The following DAP variants were observed in gnomAD, a reference collection of about 807,000 sequenced individuals.
The protein encoded by DAP is death associated protein.
Under a neutral mutation model 13.8 loss-of-function variants are expected in DAP, and 8 were observed. The ratio of observed to expected loss-of-function variants is 0.58; its 90% CI spans 0.34 to 1.05. DAP has a LOEUF of 1.05. Ranked by LOEUF, DAP falls within the 50% of genes least tolerant of loss-of-function variation. DAP has a pLI of 0.03. For synonymous variants in DAP, 47 were observed against 47.5 expected, an observed-to-expected ratio of 0.99 and a Z score of 0.04; for missense variants, 106 against 133.2, an observed-to-expected ratio of 0.80 and a Z score of 1.01.
At chr5:10,760,551 T>C (rs1740315176) in intron 1 of DAP, among the ~76,000 whole-genome samples, 1 of 152,220 alleles carries the variant, frequency 6.6e-6, no homozygotes, top group Non-Finnish European at 1.5e-5. Flanking sequence ...TAAAAATTAT[T>C]TCCGCTCCTT....
intron 2 of DAP, among the ~76,000 whole-genome samples, chr5:10,703,519 G>T (rs1422081367): frequency 6.6e-6 from 1 of 152,224 alleles, no homozygotes; most frequent in African/African-American, 2.4e-5. Context: ...CATCATTGAG[G>T]AAGTAGTCCA....
chr5:10,744,451 T>A (rs977719614), intron 2 of DAP, among the ~76,000 whole-genome samples: 3 of 152,236 alleles, frequency 2.0e-5, no homozygotes, highest in South Asian at 2.1e-4. Flanking sequence ...TGTAAAGTGA[T>A]AATTAGACCA....
At chr5:10,736,146 C>T (rs912317722) in intron 2 of DAP, among the ~76,000 whole-genome samples, 13 of 152,196 alleles carry the variant, frequency 8.5e-5, no homozygotes, top group African/African-American at 2.4e-4. Context: ...GACAGGCCTG[C>T]GACAGACCTT....
At chr5:10,741,915 TAA>T (rs1236029183) in intron 2 of DAP, among the ~76,000 whole-genome samples, 1 of 152,242 alleles carries the variant, frequency 6.6e-6, no homozygotes, top group Non-Finnish European at 1.5e-5. Flanking sequence ...GCTTCCACGG[TAA>T]AGACACTCTT....
intron 2 of DAP, among the ~76,000 whole-genome samples, chr5:10,729,710 G>C (rs1315292272): frequency 6.6e-6 from 1 of 152,180 alleles, no homozygotes. Context: ...CTAGTTTGCA[G>C]GATCCTTAGC....
chr5:10,723,544 C>T (rs1368104073), intron 2 of DAP, among the ~76,000 whole-genome samples: 2 of 152,198 alleles, frequency 1.3e-5, no homozygotes, highest in African/African-American at 2.4e-5. Flanking sequence ...AAAGAAATAG[C>T]AGAGAAGGGA....
At chr5:10,700,244 C>G (rs1409451011) in intron 2 of DAP, among the ~76,000 whole-genome samples, 2 of 152,222 alleles carry the variant, frequency 1.3e-5, no homozygotes, top group African/African-American at 4.8e-5. Context: ...CCTTCTTCCA[C>G]ATGGCTGGGC....
At chr5:10,684,034 G>A (rs2126633870) in intron 2 of DAP, among the ~76,000 whole-genome samples, 1 of 152,308 alleles carries the variant, frequency 6.6e-6, no homozygotes, top group South Asian at 2.1e-4. Context: ...ATGTTGCCCA[G>A]GCTAGTCTCA....
At chr5:10,699,456 A>C (rs549798368) in intron 2 of DAP, among the ~76,000 whole-genome samples, 1 of 151,556 alleles carries the variant, frequency 6.6e-6, no homozygotes, top group South Asian at 2.1e-4. Flanking sequence ...AGGGCTCCCT[A>C]AATAGCAAGA....
intron 2 of DAP, among the ~76,000 whole-genome samples, chr5:10,716,658 A>T (rs1375872958): frequency 1.3e-5 from 2 of 152,218 alleles, no homozygotes; most frequent in African/African-American, 4.8e-5. Flanking sequence ...ATTGGACTCC[A>T]GGACTCCAAG....
In DAP at chr5:10,722,575, T is replaced by C. The variant is rs1029461150; in HGVS notation, c.152+25600A>G. Among the ~76,000 whole-genome samples the C allele has an allele frequency of 2.8e-5, 4 of 144,682 alleles. No individual in the cohort carries two copies. In the Admixed American group the frequency reaches 2.8e-4, roughly 10 times the overall value. 94.9% of individuals were successfully genotyped at this position (144,682 alleles called of 152,430 possible). ...ATATACATGCATATATATACATACA[T>C]ACATATATATACATATATACATATA... On this transcript the variant is annotated intron_variant, in intron 2 of 3. Transcript: ENST00000230895.
At chr5:10,719,529 G>A (rs1001873308) in intron 2 of DAP, among the ~76,000 whole-genome samples, 6 of 152,222 alleles carry the variant, frequency 3.9e-5, no homozygotes, top group Admixed American at 1.3e-4. Flanking sequence ...CTCTTGGCCT[G>A]TTACTGGGCT....
chr5:10,755,874 G>A (rs1205994431), intron 1 of DAP, among the ~76,000 whole-genome samples: 5 of 152,232 alleles, frequency 3.3e-5, no homozygotes, highest in African/African-American at 2.4e-5. Flanking sequence ...AAGGCTGGGT[G>A]CGGTGGCTCA....
At chr5:10,683,277 G>T (rs1241090925) in intron 3 of DAP, 4 of 563,660 alleles carry the variant, frequency 7.1e-6, no homozygotes, top group African/African-American at 5.7e-5. Flanking sequence ...CTGGTGGGAG[G>T]TCTGCGCTTA....
At chr5:10,722,563 T>TAC (rs1184783681) in intron 2 of DAP, among the ~76,000 whole-genome samples, 9 of 134,272 alleles carry the variant, frequency 6.7e-5, no homozygotes, top group African/African-American at 1.5e-4. Flanking sequence ...TACATGCATA[T>TAC]ATATACATAC....
intron 2 of DAP, among the ~76,000 whole-genome samples, chr5:10,737,019 G>C (rs1739628219): frequency 6.6e-6 from 1 of 152,214 alleles, no homozygotes; most frequent in Non-Finnish European, 1.5e-5. Flanking sequence ...CTGGCAAGTG[G>C]TGGGCCCTGT....
At chr5:10,759,448 A>G (rs1740283433) in intron 1 of DAP, among the ~76,000 whole-genome samples, 1 of 151,894 alleles carries the variant, frequency 6.6e-6, no homozygotes, top group South Asian at 2.1e-4. Context: ...CAAAAAAAAA[A>G]CTCCCTTTGA....
intron 1 of DAP, among the ~76,000 whole-genome samples, chr5:10,749,743 CTTTTTTTTTTTT>C (rs34643253): frequency 8.4e-6 from 1 of 118,638 alleles, no homozygotes; most frequent in Non-Finnish European, 1.7e-5. Context: ...GACCACACAA[CTTTTTTTTTTTT>C]TTTTTTTTTG....
chr5:10,706,859 C>T (rs3797124), intron 2 of DAP, among the ~76,000 whole-genome samples: 2 of 152,150 alleles, frequency 1.3e-5, no homozygotes, highest in East Asian at 3.8e-4. Context: ...TCCAGAAAAG[C>T]CCAGAAAAAC....
Sources: allele counts gnomAD v4.1 joint callset (sites outside exome capture counted in the v4.1 genomes callset), GRCh38; gene constraint gnomAD v4.1.1; transcripts MANE v1.5; gene names NCBI Gene and HGNC (gene_info 2026-07-23, HGNC 2026-07-21).